Variants in FHIT observed in about 807,000 individuals in gnomAD.
The protein encoded by FHIT is fragile histidine triad diadenosine triphosphatase.
In FHIT, 19 loss-of-function variants were observed where a neutral mutation model predicts 17.9. The observed-to-expected ratio is 1.06, with a 90% confidence interval of 0.74 to 1.56. The LOEUF (loss-of-function observed/expected upper bound fraction) is 1.56. FHIT is among the 40% of genes most tolerant of loss of function. The pLI, the probability that FHIT is intolerant of heterozygous loss-of-function variation, is 0.00. For missense variants in FHIT, 248 were observed against 189.2 expected, an observed-to-expected ratio of 1.31 and a Z score of -1.82; for synonymous variants, 81 against 69.7, an observed-to-expected ratio of 1.16 and a Z score of -0.81.
chr3:60,001,889 T>C (rs1699742725), intron 7 of FHIT, among the ~76,000 whole-genome samples: 1 of 152,134 alleles, frequency 6.6e-6, no homozygotes, highest in South Asian at 2.1e-4. Context: ...CAGACGAATT[T>C]AAACGCAAAT....
chr3:60,207,126 G>A (rs1318396712), intron 5 of FHIT, among the ~76,000 whole-genome samples: 1 of 151,828 alleles, frequency 6.6e-6, no homozygotes, highest in Non-Finnish European at 1.5e-5. Flanking sequence ...CCAGCAAAGT[G>A]CTATTTCAAA....
intron 5 of FHIT, among the ~76,000 whole-genome samples, chr3:60,410,812 A>C (rs938122170): frequency 2.0e-5 from 3 of 152,176 alleles, no homozygotes; most frequent in African/African-American, 7.2e-5. Flanking sequence ...ATCCAAGCTC[A>C]CTTCCATTCT....
At chr3:59,932,263 GTTATTTT>G (rs144197966) in intron 7 of FHIT, among the ~76,000 whole-genome samples, 20,973 of 152,022 alleles carry the variant, frequency 0.14, 1,950 homozygotes, top group East Asian at 0.49. Context: ...CCCAGGAGAA[GTTATTTT>G]TTATTTTTTA....
intron 5 of FHIT, among the ~76,000 whole-genome samples, chr3:60,203,114 A>G (rs1702990895): frequency 1.3e-5 from 2 of 152,188 alleles, no homozygotes; most frequent in African/African-American, 4.8e-5. Context: ...TCTAGTTCTT[A>G]CATGAGACTA....
intron 3 of FHIT, among the ~76,000 whole-genome samples, chr3:60,881,173 A>T (rs1478034211): frequency 1.3e-5 from 2 of 152,246 alleles, no homozygotes; most frequent in Non-Finnish European, 2.9e-5. Flanking sequence ...AACAGACTTT[A>T]AGTGAAAAAA....
At chr3:61,042,876 T>G (rs1235734729) in intron 2 of FHIT, among the ~76,000 whole-genome samples, 1 of 151,690 alleles carries the variant, frequency 6.6e-6, no homozygotes, top group Admixed American at 6.6e-5. Flanking sequence ...TTTTAAAAAG[T>G]AAGGATACCT....
At chr3:60,141,055 T>C (rs1021074931) in intron 5 of FHIT, among the ~76,000 whole-genome samples, 3 of 152,072 alleles carry the variant, frequency 2.0e-5, no homozygotes, top group South Asian at 2.1e-4. Flanking sequence ...GTTGAAGAAA[T>C]GGCAATGACT....
intron 5 of FHIT, among the ~76,000 whole-genome samples, chr3:60,534,288 C>A (rs1236815041): frequency 6.7e-6 from 1 of 149,178 alleles, no homozygotes; most frequent in Admixed American, 6.7e-5. Flanking sequence ...AAAAAATTAG[C>A]CGGGCGCGGT....
intron 7 of FHIT, among the ~76,000 whole-genome samples, chr3:59,923,216 C>T (rs2107195452): frequency 1.1e-5 from 1 of 92,782 alleles, no homozygotes; most frequent in South Asian, 4.6e-4. Flanking sequence ...CAGAGCGAGA[C>T]TCCTCAAAAA....
At chr3:59,873,262 C>T (rs1312338281) in intron 8 of FHIT, among the ~76,000 whole-genome samples, 4 of 152,148 alleles carry the variant, frequency 2.6e-5, no homozygotes, top group Admixed American at 6.5e-5. Context: ...AGTACTCTAC[C>T]AGGCACATGG....
chr3:59,970,498 AT>A (rs1708126139), intron 7 of FHIT, among the ~76,000 whole-genome samples: 1 of 152,048 alleles, frequency 6.6e-6, no homozygotes, highest in Non-Finnish European at 1.5e-5. Context: ...AAGCTGACAA[AT>A]TTATTTTGTC....
intron 8 of FHIT, among the ~76,000 whole-genome samples, chr3:59,878,636 T>C (rs570875593): frequency 8.5e-5 from 13 of 152,072 alleles, no homozygotes; most frequent in Non-Finnish European, 1.8e-4. Flanking sequence ...TTTCACAGCA[T>C]GAGGAACACA....
chr3:60,422,369 C>T (rs754088757), intron 5 of FHIT, among the ~76,000 whole-genome samples: 1 of 152,142 alleles, frequency 6.6e-6, no homozygotes. Flanking sequence ...GCAGCATGGA[C>T]ACAAAGTGTC....
intron 1 of FHIT, among the ~76,000 whole-genome samples, chr3:61,229,439 G>A (rs897876158): frequency 2.1e-4 from 32 of 152,182 alleles, no homozygotes; most frequent in African/African-American, 7.5e-4. Context: ...TTCCAGGACT[G>A]TGAGGAAATA....
intron 2 of FHIT, among the ~76,000 whole-genome samples, chr3:61,109,999 G>T (rs1035341477): frequency 2.0e-5 from 3 of 152,060 alleles, no homozygotes; most frequent in African/African-American, 7.2e-5. Flanking sequence ...TTGGCAAGAA[G>T]GGCTACAATA....
At chr3:60,010,746 G>C (rs1051716437) in intron 7 of FHIT, among the ~76,000 whole-genome samples, 2 of 152,120 alleles carry the variant, frequency 1.3e-5, no homozygotes, top group Non-Finnish European at 2.9e-5. Flanking sequence ...CAGAAGCAGA[G>C]ACTATCCTAA....
intron 7 of FHIT, among the ~76,000 whole-genome samples, chr3:59,935,074 G>C (rs961014245): frequency 6.6e-6 from 1 of 152,108 alleles, no homozygotes; most frequent in African/African-American, 2.4e-5. Flanking sequence ...GTAGAACCCT[G>C]GGAAGACCAT....
intron 4 of FHIT, among the ~76,000 whole-genome samples, chr3:60,545,866 CTT>C (rs10663822): frequency 4.7e-4 from 72 of 152,202 alleles, no homozygotes; most frequent in Admixed American, 2.0e-4. Flanking sequence ...CCAAATCTCT[CTT>C]TGTCTCATTG....
intron 7 of FHIT, among the ~76,000 whole-genome samples, chr3:59,981,737 T>C (rs1176366443): frequency 6.6e-6 from 1 of 152,016 alleles, no homozygotes; most frequent in Non-Finnish European, 1.5e-5. Flanking sequence ...TAAACACACA[T>C]AAAACATTTA....
Sources: gnomAD v4.1 joint callset for allele counts (sites outside exome capture counted in the v4.1 genomes callset) on GRCh38, gnomAD v4.1.1 for gene constraint, MANE v1.5 for transcripts, NCBI Gene and HGNC (gene_info 2026-07-23, HGNC 2026-07-21) for gene names.